POLQ: variants seen among roughly 807,000 people sequenced by gnomAD.
POLQ encodes the protein DNA polymerase theta.
In POLQ, 233 loss-of-function variants were observed where a neutral mutation model predicts 259.2. The observed-to-expected ratio is 0.90, with a 90% CI of 0.81 to 1.00. The LOEUF is 1.00. POLQ is among the 50% of genes least tolerant of loss of function. The pLI is 0.00. For synonymous variants in POLQ, 1,025 were observed against 1,048.8 expected, an observed-to-expected ratio of 0.98 and a Z score of 0.44; for missense variants, 2,871 against 3,051.6, an observed-to-expected ratio of 0.94 and a Z score of 1.39.
intron 9 of POLQ, among the ~76,000 whole-genome samples, chr3:121,519,020 A>C (rs1046855138): frequency 6.6e-6 from 1 of 152,152 alleles, no homozygotes; most frequent in South Asian, 2.1e-4. Flanking sequence ...TGGTAAAAAC[A>C]ATCATAACTT....
intron 26 of POLQ, among the ~76,000 whole-genome samples, chr3:121,441,634 C>T (rs1248262402): frequency 1.3e-5 from 2 of 152,130 alleles, no homozygotes; most frequent in Non-Finnish European, 2.9e-5. Flanking sequence ...TATACATTTT[C>T]CTGTTGATAG....
intron 15 of POLQ, among the ~76,000 whole-genome samples, chr3:121,492,865 C>G (rs2048080246): frequency 6.8e-6 from 1 of 146,498 alleles, no homozygotes; most frequent in Admixed American, 7.0e-5. Context: ...TCAGGCTAGT[C>G]TTGAACTCCT....
At chr3:121,445,561 A>G (rs2047626083) in intron 26 of POLQ, among the ~76,000 whole-genome samples, 1 of 151,958 alleles carries the variant, frequency 6.6e-6, no homozygotes, top group Non-Finnish European at 1.5e-5. Context: ...TTATCTTTTC[A>G]AAAAACCAAC....
intron 25 of POLQ, among the ~76,000 whole-genome samples, chr3:121,450,760 A>T (rs1361250579): frequency 6.6e-6 from 1 of 151,840 alleles, no homozygotes; most frequent in Non-Finnish European, 1.5e-5. Context: ...TCTGACAATT[A>T]TGTGTCTTGG....
intron 9 of POLQ, among the ~76,000 whole-genome samples, chr3:121,519,498 A>AC (rs1288830542): frequency 6.7e-6 from 1 of 149,372 alleles, no homozygotes; most frequent in African/African-American, 2.4e-5. Context: ...ACATGGTGAG[A>AC]CCCCGTCTCT....
At position 121,445,418 on chromosome 3, in the gene POLQ, T is replaced by G. The variant is rs537574033; in HGVS notation, c.7264+3897A>C. Among the ~76,000 whole-genome samples the G allele has an allele frequency of 3.3e-5, 5 of 152,358 alleles. No homozygotes were observed. In the South Asian group the frequency reaches 1.0e-3, roughly 32 times the overall value. On this transcript the variant is annotated intron_variant, in intron 26 of 29. Coordinates refer to ENST00000264233, the MANE Select transcript of POLQ (RefSeq NM_199420.4). ...CTAGATTTTCCAAATTACTGGCATA[T>G]AGCTGCTCATAGTAGCCACTAATGA... is the stretch of plus-strand genomic sequence containing the variant.
chr3:121,454,498 CAG>C (rs1253571621), intron 25 of POLQ, among the ~76,000 whole-genome samples: 3 of 152,038 alleles, frequency 2.0e-5, no homozygotes, highest in Admixed American at 6.6e-5. Flanking sequence ...ATCTCACGTG[CAG>C]AGACACACAT....
intron 20 of POLQ, among the ~76,000 whole-genome samples, chr3:121,474,139 G>T (rs1424109746): frequency 6.6e-6 from 1 of 152,194 alleles, no homozygotes; most frequent in Admixed American, 6.6e-5. Context: ...TCTCCTAAAT[G>T]AGGCTGCTCA....
rs527974666 is a variant in POLQ at position 121,465,090 on chromosome 3, C to CTT, written c.6967+2427_6967+2428dup. 1.1e-4 allele frequency among the ~76,000 whole-genome samples: 15 copies of CTT among 141,074 alleles called. 1 individual carries two copies. The South Asian group carries it at 1.6e-3, about 15-fold the overall frequency. The allele number at this position is 141,074 out of a possible 152,430, so 92.6% of individuals were successfully genotyped here. The stretch of plus-strand genomic sequence containing the variant: ...ACTGGAAATGTTTTTTTTCTTTTTT[C>CTT]TTTTTTTTTTTTTTGACATAGGGTC... On this transcript the variant is annotated intron_variant, in intron 24 of 29. Coordinates refer to ENST00000264233, the MANE Select transcript of POLQ (RefSeq NM_199420.4).
intron 25 of POLQ, among the ~76,000 whole-genome samples, chr3:121,451,118 T>C (rs1318215408): frequency 6.6e-6 from 1 of 152,252 alleles, no homozygotes; most frequent in Middle Eastern, 3.2e-3. Flanking sequence ...GTAGTTCTTT[T>C]GCCACGGTTT....
intron 16 of POLQ, 109 bp from the exon 17 acceptor site, chr3:121,485,293 A>C (rs2048002713): frequency 5.9e-6 from 4 of 673,218 alleles, no homozygotes; most frequent in South Asian, 4.9e-5. Context: ...CAAAATTTCC[A>C]GATCTTAAAA....
intron 14 of POLQ, chr3:121,494,772 T>C (rs2048101948): frequency 6.6e-7 from 1 of 1,505,764 alleles, no homozygotes; most frequent in East Asian, 2.3e-5. Flanking sequence ...GTGGAAGTTA[T>C]CAGGACCAAT....
intron 14 of POLQ, chr3:121,494,525 G>A: frequency 1.2e-5 from 19 of 1,577,068 alleles, no homozygotes; most frequent in Non-Finnish European, 1.6e-5. Context: ...TCGAACAGGA[G>A]TTAACACCGT....
intron 20 of POLQ, 52 bp from the exon 21 acceptor site, chr3:121,473,539 C>A (rs2047902749): frequency 6.9e-7 from 1 of 1,455,036 alleles, no homozygotes; most frequent in Admixed American, 1.9e-5. Flanking sequence ...CAAGGATTAT[C>A]ATTCAGAAAA....
At chr3:121,543,836 AG>A (rs1261927129) in intron 2 of POLQ, among the ~76,000 whole-genome samples, 1 of 151,986 alleles carries the variant, frequency 6.6e-6, no homozygotes, top group Non-Finnish European at 1.5e-5. Context: ...TACAAAAATT[AG>A]CTAGGCATGG....
At chr3:121,509,847 G>T in intron 11 of POLQ, 144 bp from the exon 12 acceptor site, 2 of 892,694 alleles carry the variant, frequency 2.2e-6, no homozygotes, top group South Asian at 1.7e-5. Context: ...GAAAATGTAT[G>T]AGCAGGCTCT....
intron 19 of POLQ, among the ~76,000 whole-genome samples, chr3:121,480,231 TAC>T (rs1290486666): frequency 6.6e-6 from 1 of 152,018 alleles, no homozygotes; most frequent in Non-Finnish European, 1.5e-5. Context: ...TGAATAATCT[TAC>T]AGTTATTAAA....
At chr3:121,484,973 A>T in intron 17 of POLQ, 68 bp downstream of exon 17, 3 of 1,166,992 alleles carry the variant, frequency 2.6e-6, no homozygotes, top group Non-Finnish European at 3.6e-6. Context: ...TTCTCAAAAT[A>T]TAAGATCACT....
chr3:121,520,545 CA>C (rs1011066471), intron 8 of POLQ, among the ~76,000 whole-genome samples: 2 of 151,692 alleles, frequency 1.3e-5, no homozygotes, highest in Admixed American at 6.6e-5. Context: ...ACAACAATAA[CA>C]AAAAAAGAGT....
Sources: allele counts gnomAD v4.1 joint callset (sites outside exome capture counted in the v4.1 genomes callset), GRCh38; gene constraint gnomAD v4.1.1; transcripts MANE v1.5; gene names NCBI Gene and HGNC (gene_info 2026-07-23, HGNC 2026-07-21).